Variants in UXS1 observed in about 807,000 individuals in gnomAD.
UXS1 encodes UDP-glucuronate decarboxylase 1, also known as UDP-glucuronic acid decarboxylase 1.
A neutral mutation model predicts 62.6 loss-of-function variants in UXS1; 33 were observed. That is an observed-to-expected ratio of 0.53 (90% CI 0.40 to 0.70). The LOEUF is 0.70. UXS1 is among the 30% of genes least tolerant of loss of function. The pLI is 0.00. For synonymous variants in UXS1, 213 were observed against 206.8 expected (o/e 1.03, Z -0.26); for missense variants, 434 against 556.3 (o/e 0.78, Z 2.21).
chr2:106,100,337 G>T (rs1037332293), intron 12 of UXS1, among the ~76,000 whole-genome samples: 2 of 152,158 alleles, frequency 1.3e-5, no homozygotes, highest in Admixed American at 6.5e-5. Flanking sequence ...AGGCAGCTTA[G>T]GGGGTAGGAC....
At chr2:106,115,283 C>T (rs888352921) in intron 9 of UXS1, among the ~76,000 whole-genome samples, 1 of 152,208 alleles carries the variant, frequency 6.6e-6, no homozygotes, top group African/African-American at 2.4e-5. Context: ...CACCAGGCAA[C>T]GCTGTCTCAT....
intron 6 of UXS1, chr2:106,138,428 G>A: frequency 1.0e-6 from 1 of 985,476 alleles, no homozygotes; most frequent in Non-Finnish European, 1.2e-6. Flanking sequence ...GGACTCTAGA[G>A]GGAGGGGAGG....
chr2:106,149,767 T>C (rs750629698), intron 5 of UXS1, among the ~76,000 whole-genome samples: 7 of 152,184 alleles, frequency 4.6e-5, no homozygotes, highest in Non-Finnish European at 7.3e-5. Flanking sequence ...TGGAACTAGG[T>C]AATGAGTAGA....
rs151209711 is a variant in UXS1, at chr2:106,157,834, G to A, written c.291+224C>T. Among the ~76,000 whole-genome samples the A allele has an allele frequency of 1.8e-4, 28 of 152,288 alleles. No individual in the cohort carries two copies. The East Asian group carries it at 3.1e-3, about 17-fold the overall frequency. On this transcript the variant is annotated intron_variant, in intron 5 of 14. Coordinates refer to ENST00000283148, the MANE Select transcript of UXS1 (RefSeq NM_001253875.2). ...GTTTTAGTGGTTTCCCAGAGCTGGCGGGAGGGGACTGGGAAATGGAAGTGA... is the reference window on the plus strand; with the variant it reads ...GTTTTAGTGGTTTCCCAGAGCTGGCAGGAGGGGACTGGGAAATGGAAGTGA...
chr2:106,155,544 T>C (rs1165504298), intron 5 of UXS1, among the ~76,000 whole-genome samples: 4 of 152,232 alleles, frequency 2.6e-5, no homozygotes, highest in Admixed American at 6.5e-5. Context: ...CAAATACTTA[T>C]CTTTGTTATA....
At chr2:106,096,688 C>T in intron 14 of UXS1, 30 bp downstream of exon 14, 1 of 1,529,652 alleles carries the variant, frequency 6.5e-7, no homozygotes, top group Non-Finnish European at 8.8e-7. Context: ...GGCCCCTCCC[C>T]ACAAGGCAGC....
chr2:106,192,055 G>A (rs1684967099), intron 1 of UXS1, among the ~76,000 whole-genome samples: 1 of 152,136 alleles, frequency 6.6e-6, no homozygotes, highest in South Asian at 2.1e-4. Context: ...TGGGAGACAA[G>A]CAGTCTGTGT....
chr2:106,108,713 C>G (rs2104868824), intron 10 of UXS1, among the ~76,000 whole-genome samples: 1 of 152,240 alleles, frequency 6.6e-6, no homozygotes, highest in Non-Finnish European at 1.5e-5. Context: ...CAAGGAGTAA[C>G]CAACAGGGGA....
chr2:106,100,627 A>G (rs1677512282), intron 12 of UXS1: 3 of 165,268 alleles, frequency 1.8e-5, no homozygotes, highest in Admixed American at 6.2e-5. Context: ...GAAGGCGAGA[A>G]GCCATGAAGG....
intron 10 of UXS1, among the ~76,000 whole-genome samples, chr2:106,110,330 C>T (rs1252588255): frequency 6.6e-6 from 1 of 152,166 alleles, no homozygotes. Flanking sequence ...GAGTTATCAC[C>T]TCTGCCAACA....
intron 3 of UXS1, among the ~76,000 whole-genome samples, chr2:106,164,426 G>C (rs1334100239): frequency 6.6e-6 from 1 of 152,020 alleles, no homozygotes; most frequent in East Asian, 1.9e-4. Flanking sequence ...GCCAGTGAGA[G>C]GATGTTTGTA....
At chr2:106,097,083 T>C (rs1453586248) in intron 13 of UXS1, 1 of 591,892 alleles carries the variant, frequency 1.7e-6, no homozygotes, top group Non-Finnish European at 3.2e-6. Flanking sequence ...TTATTCTGTC[T>C]CAACAGGCCT....
chr2:106,160,319 C>A (rs925593648), intron 4 of UXS1: 1 of 152,210 alleles, frequency 6.6e-6, no homozygotes, highest in Non-Finnish European at 1.5e-5. Context: ...CACCCAGTGC[C>A]GTGGCACAGC....
intron 5 of UXS1, among the ~76,000 whole-genome samples, chr2:106,150,646 A>G (rs961485950): frequency 1.3e-5 from 2 of 152,218 alleles, no homozygotes; most frequent in African/African-American, 4.8e-5. Flanking sequence ...CCATGAGAAC[A>G]TGGCTTCTTC....
intron 9 of UXS1, among the ~76,000 whole-genome samples, chr2:106,119,246 C>T (rs1679322931): frequency 6.6e-6 from 1 of 152,178 alleles, no homozygotes. Flanking sequence ...GGACTTGGAG[C>T]TGCATGGTCT....
chr2:106,096,474 T>C (rs1017189250), intron 14 of UXS1, among the ~76,000 whole-genome samples: 3 of 152,178 alleles, frequency 2.0e-5, no homozygotes, highest in African/African-American at 7.2e-5. Context: ...TGTGTGTGCA[T>C]GAGAGATTTT....
Position 106,146,545 on chromosome 2 carries a change from G to A in UXS1, c.292-1175C>T, listed in dbSNP as rs968253785. Among the ~76,000 whole-genome samples, 6 of 152,024 alleles carry A rather than the reference G, an allele frequency of 3.9e-5. 1 individual carries two copies. Among genetic ancestry groups the A allele is most frequent in the Admixed American group, 6.5e-5 (1 of 15,278 alleles). On this transcript the variant is annotated intron_variant, in intron 5 of 14. Transcript: ENST00000283148. ...TGTAATCCCAGCACTTTGGGAGGCC[G>A]AGACAGGTGGATCACTTGAGATCAG...
intron 9 of UXS1, among the ~76,000 whole-genome samples, chr2:106,121,898 C>G (rs1188220312): frequency 5.3e-5 from 8 of 152,170 alleles, no homozygotes; most frequent in Admixed American, 6.5e-5. Flanking sequence ...TCTGTGGTAC[C>G]ACGGGAAGGG....
intron 10 of UXS1, among the ~76,000 whole-genome samples, chr2:106,111,263 A>G (rs1462160549): frequency 6.6e-6 from 1 of 152,192 alleles, no homozygotes; most frequent in East Asian, 1.9e-4. Context: ...TGTGCAGTGA[A>G]GGAAGGAGAA....
Sources: gnomAD v4.1 joint callset for allele counts (sites outside exome capture counted in the v4.1 genomes callset) on GRCh38, gnomAD v4.1.1 for gene constraint, MANE v1.5 for transcripts, NCBI Gene and HGNC (gene_info 2026-07-23, HGNC 2026-07-21) for gene names.